Variants in TMEM131 observed in about 807,000 individuals in gnomAD.
TMEM131 encodes the protein transmembrane protein 131.
A neutral mutation model predicts 211.6 loss-of-function variants in TMEM131; 66 were observed. The observed-to-expected ratio is 0.31, with a 90% CI of 0.26 to 0.38. The LOEUF is 0.38. TMEM131 is among the 10% of genes least tolerant of loss of function. The probability of loss-of-function intolerance (pLI) is 1.00; values close to 1 mark genes in which losing one functional copy is unlikely to be tolerated. For synonymous variants in TMEM131, 844 were observed against 841.3 expected (o/e 1.00, Z -0.06); for missense variants, 2,036 against 2,299.3 (o/e 0.89, Z 2.34).
intron 4 of TMEM131, among the ~76,000 whole-genome samples, chr2:97,874,393 G>A (rs61712471): frequency 0.025 from 3,761 of 152,210 alleles, 166 homozygotes; most frequent in African/African-American, 0.087. Flanking sequence ...AACACTCCTC[G>A]AGAAGAGCAA....
rs1365869073 is a variant in TMEM131, at chr2:97,995,557, G to A, written c.106C>T (p.Arg36Trp). 2 of 1,320,330 alleles carry A rather than the reference G, an allele frequency of 1.5e-6. No homozygotes were observed. The highest frequency in any genetic ancestry group is 3.2e-5 in the East Asian group (1 of 31,666). The allele number at this position is 1,320,330 out of a possible 1,614,324, so 81.8% of individuals were successfully genotyped here. A position where few individuals can be genotyped will look rare whatever the true frequency, so the allele number is the denominator to read the frequency against. The change falls in exon 1 of 41, where the codon CGG (arginine) becomes TGG (tryptophan). Residue 36 changes from arginine (R) to tryptophan (W), a missense_variant. Coordinates refer to ENST00000186436, the MANE Select transcript of TMEM131 (RefSeq NM_015348.2). ...CCTAGGAGGCCGGCGGCCGCGCTCCGCGGGCCCCCGCTACGGGCGGCCGCA... is the reference window on the plus strand; with the variant it reads ...CCTAGGAGGCCGGCGGCCGCGCTCCACGGGCCCCCGCTACGGGCGGCCGCA... Reference protein sequence around the residue: ...EPAAARSGGPRSAAAGLLGAL... With the variant: ...EPAAARSGGPWSAAAGLLGAL...
intron 31 of TMEM131, among the ~76,000 whole-genome samples, chr2:97,778,617 T>G (rs1679843678): frequency 6.6e-6 from 1 of 152,180 alleles, no homozygotes; most frequent in Non-Finnish European, 1.5e-5. Flanking sequence ...CATCACCTTA[T>G]TAACTCAATA....
At chr2:97,795,281 G>A (rs1680706695) in intron 28 of TMEM131, among the ~76,000 whole-genome samples, 166 bp from the exon 29 acceptor site, 2 of 152,176 alleles carry the variant, frequency 1.3e-5, no homozygotes, top group Admixed American at 6.5e-5. Context: ...CCCATGGTCA[G>A]TAATAGGAAC....
intron 1 of TMEM131, among the ~76,000 whole-genome samples, chr2:97,966,205 G>A (rs1679049957): frequency 6.6e-6 from 1 of 151,612 alleles, no homozygotes; most frequent in Non-Finnish European, 1.5e-5. Context: ...AGGGTAAATC[G>A]GCTGTTCTCT....
rs1236530336 is a variant in TMEM131, at chr2:97,757,226, G to A, written c.5525C>T (p.Ala1842Val). The A allele has an allele frequency of 4.3e-6, 7 of 1,614,048 alleles. No homozygotes were observed. The highest frequency in any genetic ancestry group is 2.7e-5 in the African/African-American group (2 of 75,048). ...MGTENSPAPH[A>V]PSTSSPADDL... ...GTCAGCTGGACTGGAGGTGGAGGGA[G>A]CGTGAGGAGCAGGGGAGTTTTCTGT... The change falls in exon 41 of 41, where the codon GCT becomes GTT. Residue 1842 changes from alanine (A) to valine (V), a missense_variant. Ala to Val is a moderately conservative substitution (Grantham distance 64, BLOSUM62 0). This residue lies in a region of TMEM131 where 1,623 missense variants were observed against 1,805.9 expected (regional missense o/e 0.90). Transcript: ENST00000186436.
At chr2:97,942,917 T>C (rs1573591969) in intron 1 of TMEM131, among the ~76,000 whole-genome samples, 1 of 144,794 alleles carries the variant, frequency 6.9e-6, no homozygotes, top group African/African-American at 2.6e-5. Context: ...AGCCTAGGAG[T>C]TCAACACCAG....
At chr2:97,924,314 T>C (rs1573564138) in intron 2 of TMEM131, among the ~76,000 whole-genome samples, 1 of 151,490 alleles carries the variant, frequency 6.6e-6, no homozygotes, top group African/African-American at 2.4e-5. Flanking sequence ...GCCCGGGAGG[T>C]CAAGGTTGCA....
At chr2:97,960,510 CAT>C (rs1164606078) in intron 1 of TMEM131, among the ~76,000 whole-genome samples, 4 of 152,052 alleles carry the variant, frequency 2.6e-5, no homozygotes, top group South Asian at 2.1e-4. Context: ...TCCTGGAGCA[CAT>C]GTTTGCTTTA....
chr2:97,785,315 T>C (rs1047993564), intron 31 of TMEM131, among the ~76,000 whole-genome samples: 3 of 152,082 alleles, frequency 2.0e-5, no homozygotes, highest in Non-Finnish European at 4.4e-5. Flanking sequence ...TCAAAATCAA[T>C]AGTAGAAAAA....
intron 1 of TMEM131, among the ~76,000 whole-genome samples, chr2:97,987,758 A>T (rs111974234): frequency 0.025 from 3,824 of 152,306 alleles, 165 homozygotes; most frequent in African/African-American, 0.088. Flanking sequence ...TTAGGAATAA[A>T]CCTAACCAAG....
intron 1 of TMEM131, among the ~76,000 whole-genome samples, chr2:97,933,508 C>G (rs1410634747): frequency 6.6e-6 from 1 of 151,962 alleles, no homozygotes; most frequent in Admixed American, 6.6e-5. Context: ...GTTACTGAGT[C>G]TCTAGGGTAA....
At position 97,834,967 on chromosome 2, in the gene TMEM131, T is replaced by C. The variant is rs779060137; in HGVS notation, c.805-42A>G. ...CCATAATGTAGCACAGCTTTTGTAA[T>C]GTAGCAAAACCACCATTTTTTATTG... On this transcript the variant is annotated intron_variant, in intron 8 of 40. Transcript: ENST00000186436. The C allele has an allele frequency of 5.6e-6, 9 of 1,606,828 alleles. No individual in the cohort carries two copies. The African/African-American group carries it at 9.4e-5, about 17-fold the overall frequency.
chr2:97,802,644 A>G lies in TMEM131; in HGVS notation c.2541+8T>C, dbSNP rs1270322436. The G allele has an allele frequency of 6.2e-6, 10 of 1,612,090 alleles. No homozygotes were observed. The highest frequency in any genetic ancestry group is 1.3e-5 in the African/African-American group (1 of 74,998). ...TTTCCAAAAACCAATGTCACTTTGAATACTTACTGAGGAGCAGTTTGTATT... is the reference window on the plus strand; with the variant it reads ...TTTCCAAAAACCAATGTCACTTTGAGTACTTACTGAGGAGCAGTTTGTATT... On this transcript the variant is annotated splice_region_variant and intron_variant, in intron 23 of 40. Coordinates refer to ENST00000186436, the MANE Select transcript of TMEM131 (RefSeq NM_015348.2).
At chr2:97,905,387 G>A (rs1676026972) in intron 3 of TMEM131, among the ~76,000 whole-genome samples, 1 of 151,854 alleles carries the variant, frequency 6.6e-6, no homozygotes, top group Non-Finnish European at 1.5e-5. Context: ...ACTGATTTTC[G>A]ACAACTTGAA....
At chr2:97,889,976 C>G (rs1265558604) in intron 3 of TMEM131, among the ~76,000 whole-genome samples, 1 of 152,136 alleles carries the variant, frequency 6.6e-6, no homozygotes, top group African/African-American at 2.4e-5. Flanking sequence ...GAAAATGCCT[C>G]TCTGAGGAGG....
intron 1 of TMEM131, among the ~76,000 whole-genome samples, chr2:97,955,059 T>C (rs1466268737): frequency 1.3e-5 from 2 of 152,070 alleles, no homozygotes; most frequent in Non-Finnish European, 2.9e-5. Flanking sequence ...CTATTCCTTA[T>C]TAAGTTAGAT....
chr2:97,971,489 C>G (rs1276725972), intron 1 of TMEM131, among the ~76,000 whole-genome samples: 1 of 152,210 alleles, frequency 6.6e-6, no homozygotes, highest in Admixed American at 6.5e-5. Context: ...TTGAAAGTTT[C>G]TATACGTTGC....
intron 34 of TMEM131, 37 bp downstream of exon 34, chr2:97,766,441 C>T: frequency 3.1e-6 from 5 of 1,613,460 alleles, no homozygotes; most frequent in Non-Finnish European, 4.2e-6. Flanking sequence ...ATGAAAAGAT[C>T]CGTAAGACAT....
intron 1 of TMEM131, among the ~76,000 whole-genome samples, chr2:97,950,144 A>G (rs1678235600): frequency 6.6e-6 from 1 of 152,206 alleles, no homozygotes; most frequent in African/African-American, 2.4e-5. Context: ...AAATACATCT[A>G]TACATATAGA....
Sources: allele counts gnomAD v4.1 joint callset (sites outside exome capture counted in the v4.1 genomes callset), GRCh38; gene constraint gnomAD v4.1.1; regional missense constraint gnomAD v4.1.1; transcripts MANE v1.5; gene names NCBI Gene and HGNC (gene_info 2026-07-23, HGNC 2026-07-21).